EFCAB11: variants seen among roughly 807,000 people sequenced by gnomAD.
EFCAB11 encodes EF-hand calcium-binding domain-containing protein 11.
Under a neutral mutation model 23.0 loss-of-function variants are expected in EFCAB11, and 14 were observed. That is an observed-to-expected ratio of 0.61 (90% CI 0.40 to 0.95). The LOEUF is 0.95. EFCAB11 is among the 40% of genes least tolerant of loss of function. The probability of loss-of-function intolerance (pLI) is 0.00; values close to 1 mark genes in which losing one functional copy is unlikely to be tolerated. For synonymous variants in EFCAB11, 65 were observed against 66.6 expected (o/e 0.98, Z 0.11); for missense variants, 198 against 195.8 (o/e 1.01, Z -0.07).
At chr14:89,943,949 A>G (rs980691817) in intron 3 of EFCAB11, among the ~76,000 whole-genome samples, 2 of 152,190 alleles carry the variant, frequency 1.3e-5, no homozygotes, top group South Asian at 2.1e-4. Flanking sequence ...GAACTAGTTA[A>G]GGAAAGAAAA....
At chr14:89,851,055 T>C (rs1253090852) in intron 5 of EFCAB11, among the ~76,000 whole-genome samples, 3 of 152,230 alleles carry the variant, frequency 2.0e-5, no homozygotes, top group African/African-American at 7.2e-5. Flanking sequence ...CCTTTAGTTA[T>C]ATTATAGGAA....
chr14:89,845,718 T>C (rs76904778), intron 5 of EFCAB11, among the ~76,000 whole-genome samples: 4,845 of 152,226 alleles, frequency 0.032, 141 homozygotes, highest in Non-Finnish European at 0.05. Context: ...CAGTACTGTA[T>C]GGGGTGATGG....
intron 5 of EFCAB11, among the ~76,000 whole-genome samples, chr14:89,800,979 G>A (rs1243672646): frequency 2.6e-5 from 4 of 151,030 alleles, no homozygotes; most frequent in Non-Finnish European, 5.9e-5. Context: ...GGAGACGGAG[G>A]CTGCAGTGAG....
intron 5 of EFCAB11, among the ~76,000 whole-genome samples, chr14:89,853,542 C>T (rs754278058): frequency 1.3e-5 from 2 of 152,152 alleles, no homozygotes; most frequent in East Asian, 1.9e-4. Context: ...CAAAGTCACA[C>T]CACTAGGAAG....
intron 5 of EFCAB11, among the ~76,000 whole-genome samples, chr14:89,881,175 C>T (rs1209361260): frequency 6.6e-6 from 1 of 151,792 alleles, no homozygotes; most frequent in African/African-American, 2.4e-5. Flanking sequence ...GTTTAGTTTA[C>T]TTGATACTGT....
At chr14:89,943,005 C>T (rs1464728234) in intron 3 of EFCAB11, among the ~76,000 whole-genome samples, 1 of 152,116 alleles carries the variant, frequency 6.6e-6, no homozygotes, top group African/African-American at 2.4e-5. Context: ...CTGGCCCTTC[C>T]TAAAAGCAGC....
At chr14:89,812,763 A>G (rs1257338149) in intron 5 of EFCAB11, among the ~76,000 whole-genome samples, 2 of 152,252 alleles carry the variant, frequency 1.3e-5, no homozygotes, top group Non-Finnish European at 2.9e-5. Flanking sequence ...CATGCTATAT[A>G]CCAAAATAAG....
At chr14:89,904,032 G>A (rs1055084263) in intron 5 of EFCAB11, among the ~76,000 whole-genome samples, 2 of 151,940 alleles carry the variant, frequency 1.3e-5, no homozygotes, top group Non-Finnish European at 2.9e-5. Context: ...CAACATGCAG[G>A]TTTGTTACAT....
At chr14:89,825,527 G>A (rs142382464) in intron 5 of EFCAB11, among the ~76,000 whole-genome samples, 4 of 152,050 alleles carry the variant, frequency 2.6e-5, no homozygotes, top group South Asian at 2.1e-4. Flanking sequence ...GAAAATAAAC[G>A]AAACTAAAAG....
chr14:89,859,138 A>G (rs569854344), intron 5 of EFCAB11, among the ~76,000 whole-genome samples: 169 of 152,334 alleles, frequency 1.1e-3, no homozygotes, highest in African/African-American at 4.0e-3. Flanking sequence ...AAATTATTAG[A>G]TAACAATGAG....
intron 5 of EFCAB11, among the ~76,000 whole-genome samples, chr14:89,803,720 A>G (rs1885865632): frequency 6.6e-6 from 1 of 152,226 alleles, no homozygotes; most frequent in South Asian, 2.1e-4. Flanking sequence ...CCAAGCAAGG[A>G]GCCCCTGCTG....
intron 5 of EFCAB11, among the ~76,000 whole-genome samples, chr14:89,842,511 G>A (rs527826987): frequency 2.8e-4 from 42 of 152,118 alleles, no homozygotes; most frequent in Non-Finnish European, 5.1e-4. Context: ...GGAGGCGGAG[G>A]CTGCAGTGAG....
At chr14:89,813,888 C>T (rs1886235486) in intron 5 of EFCAB11, among the ~76,000 whole-genome samples, 1 of 152,148 alleles carries the variant, frequency 6.6e-6, no homozygotes, top group South Asian at 2.1e-4. Flanking sequence ...TTTAGAGAAA[C>T]AACCGTGCTT....
At chr14:89,950,067 A>G (rs1891113861) in intron 3 of EFCAB11, 30 bp downstream of exon 3, 2 of 1,514,566 alleles carry the variant, frequency 1.3e-6, no homozygotes, top group Non-Finnish European at 1.8e-6. Context: ...TAAATAAGGT[A>G]CTAAAAATTA....
chr14:89,828,002 T>C (rs539755991), intron 5 of EFCAB11, among the ~76,000 whole-genome samples: 4 of 152,284 alleles, frequency 2.6e-5, no homozygotes, highest in South Asian at 2.1e-4. Flanking sequence ...TTTTGAGACA[T>C]AAAACTCTTT....
At chr14:89,903,454 G>A (rs1328937118) in intron 5 of EFCAB11, among the ~76,000 whole-genome samples, 1 of 152,050 alleles carries the variant, frequency 6.6e-6, no homozygotes, top group Non-Finnish European at 1.5e-5. Context: ...CATTTTCAGT[G>A]AAAGAAAATG....
Position 89,796,022 on chromosome 14 carries a change from G to GA in EFCAB11, c.*1220dup, listed in dbSNP as rs1184984102. 2.0e-5 allele frequency: 3 copies of GA among 152,340 alleles called. No individual in the cohort carries two copies. The highest frequency in any genetic ancestry group is 4.4e-5 in the Non-Finnish European group (3 of 68,128). 9.4% of individuals were successfully genotyped at this position (152,340 alleles called of 1,614,324 possible). ...GTCTGGGTGCAGGACGTGACTGCTA[G>GA]AAACCAGGGGGTATGGAGCAGAGGG... is the stretch of plus-strand genomic sequence containing the variant. On this transcript the variant is annotated 3_prime_UTR_variant, in exon 6 of 6. Coordinates refer to ENST00000316738, the MANE Select transcript of EFCAB11 (RefSeq NM_145231.4).
chr14:89,851,908 A>G (rs1887611870), intron 5 of EFCAB11, among the ~76,000 whole-genome samples: 1 of 152,236 alleles, frequency 6.6e-6, no homozygotes, highest in Non-Finnish European at 1.5e-5. Flanking sequence ...TAGGGCACGA[A>G]AGGAAGATGA....
intron 5 of EFCAB11, among the ~76,000 whole-genome samples, chr14:89,867,014 G>C (rs1424394395): frequency 6.6e-6 from 1 of 152,080 alleles, no homozygotes; most frequent in Non-Finnish European, 1.5e-5. Flanking sequence ...CAAGTGATCT[G>C]TCTTGGTCTC....
Sources: gnomAD v4.1 joint callset for allele counts (sites outside exome capture counted in the v4.1 genomes callset) on GRCh38, gnomAD v4.1.1 for gene constraint, MANE v1.5 for transcripts, NCBI Gene and HGNC (gene_info 2026-07-23, HGNC 2026-07-21) for gene names.